Variants in MACF1 observed in about 807,000 individuals in gnomAD.
The protein encoded by MACF1 is microtubule-actin cross-linking factor 1.
In MACF1, 193 loss-of-function variants were observed where a neutral mutation model predicts 854.8. The observed-to-expected ratio is 0.23, with a 90% confidence interval of 0.20 to 0.25. The LOEUF (loss-of-function observed/expected upper bound fraction) is 0.25. Among genes scored for constraint, MACF1 ranks in the 10% least tolerant of loss-of-function variants. The pLI, the probability that MACF1 is intolerant of heterozygous loss-of-function variation, is 1.00. For synonymous variants in MACF1, 3,185 were observed against 3,226.7 expected (o/e 0.99, Z 0.44); for missense variants, 7,722 against 8,929.1 (o/e 0.86, Z 5.45).
In MACF1 at chr1:39,333,623, A is replaced by G. The variant is rs1646764526; in HGVS notation, c.7035A>G (p.Thr2345=). ...ACTCTCAGACTTGTGAGTCTTTGAC[A>G]ACTGAAGAAGTCATTAATGAAGGTC... ...FFDSQTCESL[T]TEEVINEGLM... is the part of the protein sequence containing the mutation. Residue 2345 remains threonine (T), a synonymous_variant, in exon 37 of 101, where the codon ACA becomes ACG. Coordinates refer to ENST00000564288, the MANE Select transcript of MACF1 (RefSeq NM_001394062.1). 1 of 1,614,132 alleles carries G rather than the reference A, an allele frequency of 6.2e-7. No individual in the cohort carries two copies. Among genetic ancestry groups the G allele is most frequent in the Non-Finnish European group, 8.5e-7 (1 of 1,180,046 alleles).
chr1:39,177,348 C>T (rs1424523842), intron 2 of MACF1, among the ~76,000 whole-genome samples: 3 of 152,162 alleles, frequency 2.0e-5, no homozygotes, highest in African/African-American at 7.2e-5. Flanking sequence ...TTTCAAACTC[C>T]TGACCTCATG....
At position 39,350,903 on chromosome 1, in the gene MACF1, G is replaced by A. The variant is rs763320493; in HGVS notation, c.11084G>A (p.Arg3695Gln). 30 of 1,613,940 alleles carry A rather than the reference G, an allele frequency of 1.9e-5. No homozygotes were observed. The highest frequency in any genetic ancestry group is 8.3e-5 in the Admixed American group (5 of 59,984). Residue 3695 changes from arginine to glutamine, a missense_variant, in exon 43 of 101, where the codon CGG (arginine) becomes CAG (glutamine). By Grantham distance (43) the Arg-to-Gln change is conservative. Coordinates refer to ENST00000564288, the MANE Select transcript of MACF1 (RefSeq NM_001394062.1). Reference protein sequence around the residue: ...KLSPRELTALREKLHQAKEQY... With the variant: ...KLSPRELTALQEKLHQAKEQY... ...AGCCCACGTGAGTTGACAGCTCTTC[G>A]GGAAAAGCTTCATCAGGCTAAGGAG...
At chr1:39,138,876 G>A (rs551353695) in intron 2 of MACF1, among the ~76,000 whole-genome samples, 29 of 152,208 alleles carry the variant, frequency 1.9e-4, no homozygotes, top group African/African-American at 7.0e-4. Flanking sequence ...TGTTGGCCAG[G>A]CTGGTCTCGA....
At chr1:39,294,722 G>A (rs1333066538) in intron 18 of MACF1, among the ~76,000 whole-genome samples, 1 of 152,032 alleles carries the variant, frequency 6.6e-6, no homozygotes, top group Non-Finnish European at 1.5e-5. Context: ...GTCCTGGTGT[G>A]TCATGTACTG....
At chr1:39,221,627 T>G (rs1644652946) in intron 1 of MACF1, among the ~76,000 whole-genome samples, 1 of 152,222 alleles carries the variant, frequency 6.6e-6, no homozygotes, top group Non-Finnish European at 1.5e-5. Context: ...ACTCTGCCAT[T>G]CCTTACCCGC....
intron 58 of MACF1, among the ~76,000 whole-genome samples, chr1:39,418,478 C>T (rs952039965): frequency 3.3e-5 from 5 of 152,240 alleles, no homozygotes; most frequent in African/African-American, 9.6e-5. Flanking sequence ...CGTTCTCTCA[C>T]TCCCACCCCC....
chr1:39,137,102 C>T (rs1330396364), intron 2 of MACF1, among the ~76,000 whole-genome samples: 1 of 152,124 alleles, frequency 6.6e-6, no homozygotes, highest in Non-Finnish European at 1.5e-5. Flanking sequence ...ACAGAGCCCC[C>T]TCTGTTGCCC....
intron 58 of MACF1, among the ~76,000 whole-genome samples, chr1:39,394,164 T>C (rs995681425): frequency 6.6e-6 from 1 of 152,224 alleles, no homozygotes; most frequent in Non-Finnish European, 1.5e-5. Flanking sequence ...GGTCTCAGTA[T>C]ACTTGAAGTT....
chr1:39,448,777 T>A lies in MACF1; in HGVS notation c.20258+14T>A, dbSNP rs371069306. 4.1e-5 allele frequency: 66 copies of A among 1,598,098 alleles called. No homozygotes were observed. The highest frequency in any genetic ancestry group is 1.5e-4 in the Admixed American group (9 of 58,522). ...GTCTGTGGAGCGGTGAGCATGAATG[T>A]CCCCTTCAGGGGTCTAACCGGGATC... On this transcript the variant is annotated intron_variant, in intron 84 of 100. Coordinates refer to ENST00000564288, the MANE Select transcript of MACF1 (RefSeq NM_001394062.1).
chr1:39,241,659 C>CA (rs35678466), intron 2 of MACF1, among the ~76,000 whole-genome samples: 5,946 of 50,788 alleles, frequency 0.12, 715 homozygotes, highest in African/African-American at 0.29. Flanking sequence ...GACTCCATCT[C>CA]AAAAAAAAAA....
Position 39,430,746 on chromosome 1 carries a change from A to G in MACF1, c.17175A>G (p.Thr5725=). ...EVMEHRLVLD[T]VNEVSRALLE... is the part of the protein sequence containing the mutation. ...TGGAGCACAGGCTGGTGTTGGACACAGTGAATGAGGTGAGCCGTGCTCTCT... is the reference window on the plus strand; with the variant it reads ...TGGAGCACAGGCTGGTGTTGGACACGGTGAATGAGGTGAGCCGTGCTCTCT... The change falls in exon 66 of 101, where the codon ACA becomes ACG. Residue 5725 remains threonine, a synonymous_variant. Transcript: ENST00000564288. The G allele has an allele frequency of 6.2e-7, 1 of 1,612,234 alleles. No individual in the cohort carries two copies. The highest frequency in any genetic ancestry group is 2.2e-4 in the Middle Eastern group (1 of 4,538).
intron 2 of MACF1, among the ~76,000 whole-genome samples, chr1:39,241,632 C>G (rs2148322328): frequency 7.2e-6 from 1 of 139,432 alleles, no homozygotes; most frequent in African/African-American, 2.7e-5. Flanking sequence ...TGCATTCCGG[C>G]CTGGGTGACA....
At chr1:39,410,911 T>C (rs781571895) in intron 58 of MACF1, 6 of 1,614,024 alleles carry the variant, frequency 3.7e-6, no homozygotes, top group Middle Eastern at 1.6e-4. Flanking sequence ...AAGTGGAGAC[T>C]GCCAGGACTT....
chr1:39,319,491 C>T (rs1276186459), intron 30 of MACF1, among the ~76,000 whole-genome samples, 173 bp from the exon 31 acceptor site: 1 of 152,102 alleles, frequency 6.6e-6, no homozygotes, highest in Non-Finnish European at 1.5e-5. Flanking sequence ...GAACCCAAAC[C>T]CACTGAACCA....
rs1307774922 is a variant in MACF1 at position 39,379,392 on chromosome 1, T to C, written c.13466T>C (p.Met4489Thr). The C allele has an allele frequency of 6.2e-7, 1 of 1,614,128 alleles. No individual in the cohort carries two copies. Among genetic ancestry groups the C allele is most frequent in the South Asian group, 1.1e-5 (1 of 91,078 alleles). ...KEEVLKSMDA[M>T]SSPTKTETVK... ...GAAGTCCTGAAATCCATGGATGCCA[T>C]GTCATCTCCAACCAAGACAGAAACA... The change falls in exon 54 of 101, where the codon ATG becomes ACG. Residue 4489 changes from methionine (M) to threonine (T), a missense_variant. Met to Thr is a moderately conservative substitution (Grantham distance 81, BLOSUM62 -1). This residue lies in a region of MACF1 where 2,807 missense variants were observed against 3,235.8 expected (regional missense o/e 0.87). Transcript: ENST00000564288.
intron 42 of MACF1, 140 bp from the exon 43 acceptor site, chr1:39,350,645 A>C: frequency 1.8e-6 from 1 of 567,338 alleles, no homozygotes; most frequent in Non-Finnish European, 3.1e-6. Context: ...GCATTGATTT[A>C]AGCCTAAACC....
chr1:39,200,666 T>C (rs2148260869), upstream of MACF1, among the ~76,000 whole-genome samples: 1 of 151,412 alleles, frequency 6.6e-6, no homozygotes, highest in East Asian at 1.9e-4. Flanking sequence ...GCCACTGCAC[T>C]GCAGCTTGGG....
intron 2 of MACF1, among the ~76,000 whole-genome samples, chr1:39,232,514 C>G (rs531313709): frequency 1.3e-5 from 2 of 152,260 alleles, no homozygotes; most frequent in African/African-American, 4.8e-5. Flanking sequence ...TCTGACTCTT[C>G]CATGATGGTG....
At chr1:39,190,797 C>T (rs1264260988) in intron 2 of MACF1, among the ~76,000 whole-genome samples, 6 of 152,040 alleles carry the variant, frequency 3.9e-5, no homozygotes, top group Non-Finnish European at 7.4e-5. Context: ...GAGTTTGAGA[C>T]TGGGTTGGCC....
Sources: gnomAD v4.1 joint callset for allele counts (sites outside exome capture counted in the v4.1 genomes callset) on GRCh38, gnomAD v4.1.1 for gene constraint, gnomAD v4.1.1 regional missense constraint, MANE v1.5 for transcripts, NCBI Gene and HGNC (gene_info 2026-07-23, HGNC 2026-07-21) for gene names.